The following CAV1 variants were observed in gnomAD, a reference collection of about 807,000 sequenced individuals.
CAV1 encodes the protein caveolin-1.
Under a neutral mutation model 16.5 loss-of-function variants are expected in CAV1, and 10 were observed. The ratio of observed to expected loss-of-function variants is 0.61; its 90% confidence interval spans 0.37 to 1.03. The LOEUF (loss-of-function observed/expected upper bound fraction) is 1.03, where lower values mean the gene tolerates loss of function less well. Among genes scored for constraint, CAV1 ranks in the 50% least tolerant of loss-of-function variants. CAV1 has a pLI of 0.01. For synonymous variants in CAV1, 76 were observed against 85.1 expected (o/e 0.89, Z 0.59); for missense variants, 212 against 232.8 (o/e 0.91, Z 0.58).
intron 2 of CAV1, among the ~76,000 whole-genome samples, chr7:116,528,033 T>C (rs1010730598): frequency 1.3e-5 from 2 of 152,092 alleles, no homozygotes; most frequent in African/African-American, 4.8e-5. Flanking sequence ...AAAAAACTAT[T>C]TACTAAAAAC....
At chr7:116,542,648 G>A (rs367882455) in intron 2 of CAV1, 1 of 152,136 alleles carries the variant, frequency 6.6e-6, no homozygotes, top group East Asian at 1.9e-4. Flanking sequence ...CTTGCACACT[G>A]CTTTAGCAAC....
chr7:116,525,254 A>T, intron 1 of CAV1, 162 bp downstream of exon 1: 6 of 1,601,480 alleles, frequency 3.7e-6, no homozygotes, highest in Non-Finnish European at 5.1e-6. Context: ...CTGGGCGGGG[A>T]GGTGAAGAGA....
chr7:116,540,653 G>GCAATGAT (rs1291817405), intron 2 of CAV1, among the ~76,000 whole-genome samples: 1 of 152,164 alleles, frequency 6.6e-6, no homozygotes, highest in Non-Finnish European at 1.5e-5. Flanking sequence ...GACACCAATT[G>GCAATGAT]CAATGATCTT....
Position 116,559,683 on chromosome 7 carries a change from A to G in CAV1, c.*396A>G. 1.9e-6 allele frequency: 1 copy of G among 527,816 alleles called. No homozygotes were observed. The highest frequency in any genetic ancestry group is 3.3e-6 in the Non-Finnish European group (1 of 305,256). 32.7% of individuals were successfully genotyped at this position (527,816 alleles called of 1,614,324 possible). ...TCCAAAATGTTGGTCATTTTATGTTAAGGGAAGAATTCCAGGGTATGGCCA... is the reference window on the plus strand; with the variant it reads ...TCCAAAATGTTGGTCATTTTATGTTGAGGGAAGAATTCCAGGGTATGGCCA... On this transcript the variant is annotated 3_prime_UTR_variant, in exon 3 of 3. Transcript: ENST00000341049.
At chr7:116,536,015 T>C (rs1359281876) in intron 2 of CAV1, among the ~76,000 whole-genome samples, 1 of 152,172 alleles carries the variant, frequency 6.6e-6, no homozygotes, top group Non-Finnish European at 1.5e-5. Flanking sequence ...CCAGCAAGGA[T>C]GTTGTGATGA....
rs3030806 is a variant in CAV1, at chr7:116,530,208, C to CTTTT, written c.195+3529_195+3532dup. Reference sequence around the variant, plus strand: ...CATGGAAACTGATTGGTCCTTTTTCCTTTTTTTTTTTTTGCCTTGACTGCC... The same window carrying CTTTT: ...CATGGAAACTGATTGGTCCTTTTTCCTTTTTTTTTTTTTTTTTGCCTTGACTGCC... On this transcript the variant is annotated intron_variant, in intron 2 of 2. Transcript: ENST00000341049. Among the ~76,000 whole-genome samples, 364 of 125,310 alleles carry CTTTT rather than the reference C, an allele frequency of 2.9e-3. 6 individuals carry two copies. Among genetic ancestry groups the CTTTT allele is most frequent in the East Asian group, 7.3e-3 (35 of 4,812 alleles). The allele number at this position is 125,310 out of a possible 152,430, so 82.2% of individuals were successfully genotyped here. A position where few individuals can be genotyped will look rare whatever the true frequency, so the allele number is the denominator to read the frequency against.
In CAV1 at chr7:116,560,807, G is replaced by C. The variant is rs750639875; in HGVS notation, c.*1520G>C. ...GATTTTTGCCTCTTCCAGTCTTCCT[G>C]ACACTTTAATTACCAACCTGTTACC... is the stretch of plus-strand genomic sequence containing the variant. On this transcript the variant is annotated 3_prime_UTR_variant, in exon 3 of 3. Coordinates refer to ENST00000341049, the MANE Select transcript of CAV1 (RefSeq NM_001753.5). The C allele has an allele frequency of 1.3e-5, 2 of 152,294 alleles. No individual in the cohort carries two copies. Among genetic ancestry groups the C allele is most frequent in the African/African-American group, 4.8e-5 (2 of 41,280 alleles). The allele number at this position is 152,294 out of a possible 1,614,324, so 9.4% of individuals were successfully genotyped here.
At chr7:116,527,769 G>A (rs559653032) in intron 2 of CAV1, among the ~76,000 whole-genome samples, 1 of 152,172 alleles carries the variant, frequency 6.6e-6, no homozygotes, top group African/African-American at 2.4e-5. Flanking sequence ...CACCCACCAC[G>A]CCTGCTATCT....
intron 2 of CAV1, among the ~76,000 whole-genome samples, chr7:116,538,347 A>G (rs919469977): frequency 1.6e-4 from 25 of 152,242 alleles, no homozygotes; most frequent in African/African-American, 6.0e-4. Context: ...ACAAGGCACC[A>G]TTAATCTCTA....
chr7:116,546,009 G>A (rs1448050621), intron 2 of CAV1, among the ~76,000 whole-genome samples: 2 of 152,226 alleles, frequency 1.3e-5, no homozygotes, highest in African/African-American at 4.8e-5. Flanking sequence ...AACACTTGGA[G>A]GGGTTGTAGT....
At position 116,525,419 on chromosome 7, in the gene CAV1, A is replaced by G. The variant is rs906931539; in HGVS notation, c.30+327A>G. On this transcript the variant is annotated intron_variant, in intron 1 of 2. Coordinates refer to ENST00000341049, the MANE Select transcript of CAV1 (RefSeq NM_001753.5). Reference sequence around the variant, plus strand: ...GTCTAGGATGCTCCCTTGTCGCGGGACCCCCGCGGTCCGGCCCTGCCTGCT... The same window carrying G: ...GTCTAGGATGCTCCCTTGTCGCGGGGCCCCCGCGGTCCGGCCCTGCCTGCT... 3.5e-6 allele frequency: 5 copies of G among 1,433,744 alleles called. No individual in the cohort carries two copies. The African/African-American group carries it at 4.3e-5, about 12-fold the overall frequency. 88.8% of individuals were successfully genotyped at this position (1,433,744 alleles called of 1,614,324 possible).
At chr7:116,532,725 G>A (rs1332760875) in intron 2 of CAV1, among the ~76,000 whole-genome samples, 1 of 152,192 alleles carries the variant, frequency 6.6e-6, no homozygotes, top group Non-Finnish European at 1.5e-5. Flanking sequence ...GCCAAGATTA[G>A]AAAACAAATA....
chr7:116,548,657 G>A (rs1004905707), intron 2 of CAV1, among the ~76,000 whole-genome samples: 15 of 152,196 alleles, frequency 9.9e-5, no homozygotes, highest in African/African-American at 3.4e-4. Flanking sequence ...AGCACAAGGA[G>A]TTTGGGGTGG....
intron 2 of CAV1, among the ~76,000 whole-genome samples, chr7:116,530,208 C>CTTTTTTTTTTTTTTTTTTTTTTTTTTTTT (rs3030806): frequency 4.0e-5 from 5 of 125,372 alleles, no homozygotes; most frequent in Admixed American, 8.2e-5. Flanking sequence ...GTCCTTTTTC[C>CTTTTTTTTTTTTTTTTTTTTTTTTTTTTT]TTTTTTTTTT....
rs753884781 is a variant in CAV1, at chr7:116,525,103, G to A, written c.30+11G>A. ...TACGTAGACTCGGAGGTAGGCATCCGTGGGGGGGCGCCGGCTCGGGCGTGC... is the reference window on the plus strand; with the variant it reads ...TACGTAGACTCGGAGGTAGGCATCCATGGGGGGGCGCCGGCTCGGGCGTGC... On this transcript the variant is annotated intron_variant, in intron 1 of 2. Transcript: ENST00000341049. 6.2e-7 allele frequency: 1 copy of A among 1,613,858 alleles called. No individual in the cohort carries two copies. The highest frequency in any genetic ancestry group is 8.5e-7 in the Non-Finnish European group (1 of 1,180,030).
At chr7:116,530,326 G>A (rs1793662865) in intron 2 of CAV1, among the ~76,000 whole-genome samples, 1 of 150,106 alleles carries the variant, frequency 6.7e-6, no homozygotes. Context: ...CCTTTTAACT[G>A]ACATACTGTC....
chr7:116,546,689 C>T (rs574745253), intron 2 of CAV1, among the ~76,000 whole-genome samples: 1 of 72,628 alleles, frequency 1.4e-5, no homozygotes, highest in East Asian at 3.9e-4. Flanking sequence ...AAGAATGAGA[C>T]TCTGTCACAA....
At chr7:116,542,641 G>A (rs1458604856) in intron 2 of CAV1, 2 of 152,112 alleles carry the variant, frequency 1.3e-5, no homozygotes, top group Non-Finnish European at 2.9e-5. Flanking sequence ...ATTCTTTCTT[G>A]CACACTGCTT....
intron 2 of CAV1, 56 bp from the exon 3 acceptor site, chr7:116,558,889 GT>G (rs1210911420): frequency 1.3e-5 from 17 of 1,338,368 alleles, no homozygotes; most frequent in East Asian, 4.8e-5. Flanking sequence ...TGAATAGTGG[GT>G]TTTTTTTCTC....
Sources: gnomAD v4.1 joint callset for allele counts (sites outside exome capture counted in the v4.1 genomes callset) on GRCh38, gnomAD v4.1.1 for gene constraint, MANE v1.5 for transcripts, NCBI Gene and HGNC (gene_info 2026-07-23, HGNC 2026-07-21) for gene names.